The following ERC1 variants were observed in gnomAD, a reference collection of about 807,000 sequenced individuals.
The protein encoded by ERC1 is ELKS/RAB6-interacting/CAST family member 1.
ERC1 carries 56 observed loss-of-function variants against 132.0 expected under a neutral mutation model. The ratio of observed to expected loss-of-function variants is 0.42; its 90% CI spans 0.34 to 0.53. ERC1 has a LOEUF of 0.53. Among genes scored for constraint, ERC1 ranks in the 20% least tolerant of loss-of-function variants. ERC1 has a pLI of 0.03. For synonymous variants in ERC1, 478 were observed against 476.1 expected (o/e 1.00, Z -0.05); for missense variants, 1,202 against 1,349.9 (o/e 0.89, Z 1.72).
intron 15 of ERC1, among the ~76,000 whole-genome samples, chr12:1,313,761 G>T (rs979759486): frequency 6.6e-6 from 1 of 152,064 alleles, no homozygotes; most frequent in Non-Finnish European, 1.5e-5. Flanking sequence ...AAGCTGGGCG[G>T]ATCCCCTGAG....
intron 12 of ERC1, among the ~76,000 whole-genome samples, chr12:1,196,387 C>A (rs891300569): frequency 6.6e-6 from 1 of 152,058 alleles, no homozygotes; most frequent in African/African-American, 2.4e-5. Context: ...GGAAGATACC[C>A]AAAAATTTTA....
rs117518113 is a variant in ERC1 at position 1,277,879 on chromosome 12, A to T, written c.2620-11973A>T. Among the ~76,000 whole-genome samples, 1,234 of 152,308 alleles carry T rather than the reference A, an allele frequency of 8.1e-3. 9 individuals are homozygous for T. The highest frequency in any genetic ancestry group is 0.011 in the Non-Finnish European group (761 of 68,028). On this transcript the variant is annotated intron_variant, in intron 14 of 18. Transcript: ENST00000360905. ...TTTTAATGTTTCAGGTACCTAAGAG[A>T]TATGACAGTTCACGATCATCTTCTC...
chr12:1,280,203 C>A (rs1293706105), intron 14 of ERC1, among the ~76,000 whole-genome samples: 2 of 152,166 alleles, frequency 1.3e-5, no homozygotes, highest in African/African-American at 4.8e-5. Flanking sequence ...ATCCAAGATA[C>A]GGCTGAAAGT....
rs369598442 is a variant in ERC1 at position 1,079,684 on chromosome 12, T to C, written c.670-3480T>C. 7.4e-3 allele frequency among the ~76,000 whole-genome samples: 896 copies of C among 121,068 alleles called. 70 individuals are homozygous for C. The highest frequency in any genetic ancestry group is 0.024 in the African/African-American group (818 of 34,112). 79.4% of individuals were successfully genotyped at this position (121,068 alleles called of 152,430 possible). ...AAAAGTCGATATACAGAGATACAGATAGAAATGATTTGTAATATGACAAAA... is the reference window on the plus strand; with the variant it reads ...AAAAGTCGATATACAGAGATACAGACAGAAATGATTTGTAATATGACAAAA... On this transcript the variant is annotated intron_variant, in intron 2 of 18. Coordinates refer to ENST00000360905, the MANE Select transcript of ERC1 (RefSeq NM_178040.4).
intron 12 of ERC1, among the ~76,000 whole-genome samples, chr12:1,221,185 C>T (rs1958951339): frequency 6.6e-6 from 1 of 152,072 alleles, no homozygotes; most frequent in Non-Finnish European, 1.5e-5. Flanking sequence ...TCGAAGATAG[C>T]ACCTGGCCCA....
In ERC1 at chr12:1,083,453, G is replaced by T. The variant is rs1277732949; in HGVS notation, c.959G>T (p.Gly320Val). 1 of 1,614,176 alleles carries T rather than the reference G, an allele frequency of 6.2e-7. No individual in the cohort carries two copies. Among genetic ancestry groups the T allele is most frequent in the South Asian group, 1.1e-5 (1 of 91,072 alleles). Residue 320 changes from glycine (G) to valine (V), a missense_variant, in exon 3 of 19, where the codon GGA (glycine) becomes GTA (valine). Transcript: ENST00000360905. ...CTTCTGGAAATGTTGCAGAGCAAAG[G>T]ACTTTCTGCCAAGGCTACCGAGGAA... is the stretch of plus-strand genomic sequence containing the variant. ...KKLLEMLQSK[G>V]LSAKATEEDH...
chr12:1,099,381 C>G (rs140131112), intron 3 of ERC1, among the ~76,000 whole-genome samples: 1 of 151,820 alleles, frequency 6.6e-6, no homozygotes, highest in Non-Finnish European at 1.5e-5. Flanking sequence ...TTTAGTTGGC[C>G]GAAAACATAC....
intron 8 of ERC1, among the ~76,000 whole-genome samples, chr12:1,160,635 C>T (rs1951800429): frequency 1.3e-5 from 2 of 152,122 alleles, no homozygotes; most frequent in Admixed American, 6.6e-5. Flanking sequence ...TTCTGGAACC[C>T]AGGAGGTGGA....
chr12:1,398,689 A>G (rs752404042), intron 16 of ERC1, among the ~76,000 whole-genome samples: 1 of 152,198 alleles, frequency 6.6e-6, no homozygotes, highest in Non-Finnish European at 1.5e-5. Context: ...TAGATTATAA[A>G]GAACAGAAAT....
At chr12:1,228,874 GTGAA>G (rs2154298940) in intron 12 of ERC1, among the ~76,000 whole-genome samples, 1 of 152,278 alleles carries the variant, frequency 6.6e-6, no homozygotes, top group South Asian at 2.1e-4. Context: ...CTTGATTATA[GTGAA>G]TGGTCCTTTT....
chr12:1,415,317 G>A (rs553568440), intron 17 of ERC1, among the ~76,000 whole-genome samples: 7 of 152,284 alleles, frequency 4.6e-5, no homozygotes, highest in East Asian at 3.9e-4. Context: ...GTTGGTCTTG[G>A]TATAAGAACA....
intron 2 of ERC1, among the ~76,000 whole-genome samples, chr12:1,044,741 A>G (rs1970813504): frequency 6.6e-6 from 1 of 152,188 alleles, no homozygotes; most frequent in Non-Finnish European, 1.5e-5. Context: ...ATTTTTTTAG[A>G]AAGTGGGTCA....
intron 8 of ERC1, among the ~76,000 whole-genome samples, chr12:1,154,351 T>TATATA (rs1566098658): frequency 1.8e-4 from 10 of 54,096 alleles, no homozygotes; most frequent in African/African-American, 8.3e-4. Flanking sequence ...CCATGTGTGT[T>TATATA]TATACACACA....
chr12:1,018,221 A>G (rs1454888572), intron 1 of ERC1, among the ~76,000 whole-genome samples: 1 of 152,150 alleles, frequency 6.6e-6, no homozygotes, highest in East Asian at 1.9e-4. Flanking sequence ...ATTTATTTTT[A>G]TTCAGAGTCT....
At chr12:1,102,828 G>C (rs925581411) in intron 3 of ERC1, among the ~76,000 whole-genome samples, 7 of 152,124 alleles carry the variant, frequency 4.6e-5, no homozygotes, top group Non-Finnish European at 8.8e-5. Flanking sequence ...TTCTTTTTTG[G>C]CTGTGTTAAA....
chr12:1,235,824 A>G lies in ERC1; in HGVS notation c.2352-945A>G, dbSNP rs558479588. 5.3e-5 allele frequency among the ~76,000 whole-genome samples: 8 copies of G among 152,316 alleles called. No individual in the cohort carries two copies. The South Asian group carries it at 1.7e-3, about 32-fold the overall frequency. On this transcript the variant is annotated intron_variant, in intron 12 of 18. Coordinates refer to ENST00000360905, the MANE Select transcript of ERC1 (RefSeq NM_178040.4). ...CTAGCAATTCAGTTCCTAGGCCTATACCTTAGAGATATTCCTGCCCAGGTA... is the reference window on the plus strand; with the variant it reads ...CTAGCAATTCAGTTCCTAGGCCTATGCCTTAGAGATATTCCTGCCCAGGTA...
chr12:1,339,031 CCAGCAA>C (rs1371484937), intron 15 of ERC1, among the ~76,000 whole-genome samples: 1 of 152,250 alleles, frequency 6.6e-6, no homozygotes, highest in African/African-American at 2.4e-5. Context: ...TTTGCACATG[CCAGCAA>C]CAGCAGCAGC....
intron 18 of ERC1, among the ~76,000 whole-genome samples, chr12:1,477,003 A>G (rs1416665396): frequency 6.6e-6 from 1 of 152,214 alleles, no homozygotes; most frequent in Non-Finnish European, 1.5e-5. Context: ...AATAGTATGA[A>G]CAGTATGATT....
intron 17 of ERC1, among the ~76,000 whole-genome samples, chr12:1,436,143 TAC>T (rs2092941437): frequency 1.4e-5 from 2 of 145,904 alleles, no homozygotes; most frequent in Admixed American, 6.7e-5. Flanking sequence ...CCCTTCCATG[TAC>T]AGACAGACGG....
Sources: allele counts gnomAD v4.1 joint callset (sites outside exome capture counted in the v4.1 genomes callset), GRCh38; gene constraint gnomAD v4.1.1; transcripts MANE v1.5; gene names NCBI Gene and HGNC (gene_info 2026-07-23, HGNC 2026-07-21).